Variants in CSMD2 observed in about 807,000 individuals in gnomAD.
CSMD2 encodes CUB and Sushi multiple domains 2, also known as CUB and sushi domain-containing protein 2.
A neutral mutation model predicts 398.5 loss-of-function variants in CSMD2; 130 were observed. The observed-to-expected ratio is 0.33, with a 90% CI of 0.28 to 0.38. The LOEUF is 0.38. Among genes scored for constraint, CSMD2 ranks in the 10% least tolerant of loss-of-function variants. The pLI is 1.00. For missense variants in CSMD2, 3,829 were observed against 4,764.9 expected, an observed-to-expected ratio of 0.80 and a Z score of 5.78; for synonymous variants, 1,828 against 1,908.5, an observed-to-expected ratio of 0.96 and a Z score of 1.10.
chr1:33,561,579 A>T (rs945812492), intron 53 of CSMD2, among the ~76,000 whole-genome samples: 1 of 152,202 alleles, frequency 6.6e-6, no homozygotes, highest in Non-Finnish European at 1.5e-5. Flanking sequence ...CTCTGACCTC[A>T]GGAAGCTCAT....
At chr1:34,093,883 G>A (rs1353609617) in intron 1 of CSMD2, among the ~76,000 whole-genome samples, 2 of 151,952 alleles carry the variant, frequency 1.3e-5, no homozygotes, top group South Asian at 2.1e-4. Context: ...GCAGGCCAAC[G>A]TTCAGATTCA....
chr1:34,152,309 A>C lies in CSMD2; in HGVS notation c.187+12602T>G, dbSNP rs566209056. On this transcript the variant is annotated intron_variant, in intron 1 of 70. Coordinates refer to ENST00000373381, the MANE Select transcript of CSMD2 (RefSeq NM_001281956.2). Reference sequence around the variant, plus strand: ...GGGAGGCCAGGGCACCAGGTAGAGGACTTGTGGAAGAAAAAGGATCCCCTC... The same window carrying C: ...GGGAGGCCAGGGCACCAGGTAGAGGCCTTGTGGAAGAAAAAGGATCCCCTC... Among the ~76,000 whole-genome samples, 26 of 152,258 alleles carry C rather than the reference A, an allele frequency of 1.7e-4. No individual in the cohort carries two copies. In the South Asian group the frequency reaches 2.3e-3, roughly 13 times the overall value.
At position 33,600,894 on chromosome 1, in the gene CSMD2, G is replaced by A; in HGVS notation, c.6827C>T (p.Thr2276Ile). The A allele has an allele frequency of 6.2e-7, 1 of 1,614,162 alleles. No individual in the cohort carries two copies. Among genetic ancestry groups the A allele is most frequent in the Non-Finnish European group, 8.5e-7 (1 of 1,180,032 alleles). ...VLLKFHRDAA[T>I]GGIFAIAFSA... Reference sequence around the variant, plus strand: ...GAAAGCTATGGCGAAGATCCCCCCTGTGGCTGCATCACGGTGGAACTTGAG... The same window carrying A: ...GAAAGCTATGGCGAAGATCCCCCCTATGGCTGCATCACGGTGGAACTTGAG... Residue 2276 changes from threonine to isoleucine, a missense_variant, in exon 44 of 71, where the codon ACA becomes ATA. This residue lies in a region of CSMD2 where 723 missense variants were observed against 758.6 expected (regional missense o/e 0.95). Coordinates refer to ENST00000373381, the MANE Select transcript of CSMD2 (RefSeq NM_001281956.2).
chr1:33,753,044 A>C (rs1311122332), intron 13 of CSMD2, among the ~76,000 whole-genome samples: 6 of 152,196 alleles, frequency 3.9e-5, no homozygotes, highest in African/African-American at 1.4e-4. Context: ...TAAAGTTGGG[A>C]CTTACATTTG....
At chr1:33,590,513 T>TCTCACC (rs1223014911) in intron 44 of CSMD2, among the ~76,000 whole-genome samples, 2 of 151,460 alleles carry the variant, frequency 1.3e-5, no homozygotes, top group South Asian at 4.2e-4. Context: ...ATTTCCCAAA[T>TCTCACC]CTCACCATCT....
intron 1 of CSMD2, among the ~76,000 whole-genome samples, chr1:34,103,123 A>G (rs374069509): frequency 6.6e-6 from 1 of 152,016 alleles, no homozygotes; most frequent in African/African-American, 2.4e-5. Flanking sequence ...AACTCCAGGC[A>G]TTTTCAAACT....
chr1:33,783,799 C>T (rs1241141427), intron 12 of CSMD2, among the ~76,000 whole-genome samples: 1 of 152,190 alleles, frequency 6.6e-6, no homozygotes, highest in African/African-American at 2.4e-5. Flanking sequence ...ACTCCGGTAC[C>T]TATAAATGTG....
chr1:33,688,495 G>A (rs1038471153), intron 25 of CSMD2, among the ~76,000 whole-genome samples: 7 of 152,148 alleles, frequency 4.6e-5, no homozygotes, highest in Admixed American at 2.0e-4. Context: ...GTTTCATTTC[G>A]AGTTTATAAA....
intron 12 of CSMD2, among the ~76,000 whole-genome samples, chr1:33,781,952 C>T (rs1043164127): frequency 2.0e-5 from 3 of 151,394 alleles, no homozygotes; most frequent in Non-Finnish European, 2.9e-5. Context: ...GAAGCAAATG[C>T]CCCAATTTTC....
intron 3 of CSMD2, among the ~76,000 whole-genome samples, chr1:33,976,542 G>A (rs1441062643): frequency 1.3e-5 from 2 of 152,158 alleles, no homozygotes; most frequent in Non-Finnish European, 2.9e-5. Flanking sequence ...CTCCAGCTCA[G>A]AGCAGGGCTG....
At chr1:33,734,157 C>T (rs1569581374) in intron 15 of CSMD2, among the ~76,000 whole-genome samples, 1 of 152,150 alleles carries the variant, frequency 6.6e-6, no homozygotes, top group African/African-American at 2.4e-5. Context: ...GGAGAACTGA[C>T]CTTCTTTCTT....
chr1:34,160,888 G>A (rs996410044), intron 1 of CSMD2, among the ~76,000 whole-genome samples: 2 of 152,156 alleles, frequency 1.3e-5, no homozygotes, highest in Non-Finnish European at 2.9e-5. Context: ...TTAAAGCCAT[G>A]ATGTAATTGG....
chr1:34,002,840 T>TA (rs957157394), intron 3 of CSMD2, among the ~76,000 whole-genome samples: 34 of 150,874 alleles, frequency 2.3e-4, no homozygotes, highest in East Asian at 1.2e-3. Context: ...AAAGATAAAT[T>TA]AAAAAAAAAA....
chr1:33,975,713 T>C (rs1402370481), intron 3 of CSMD2, among the ~76,000 whole-genome samples: 4 of 152,150 alleles, frequency 2.6e-5, no homozygotes, highest in African/African-American at 9.7e-5. Flanking sequence ...GAAGGGCATC[T>C]GGAAGCTGGT....
At chr1:34,082,644 T>C (rs1571048897) in intron 2 of CSMD2, among the ~76,000 whole-genome samples, 1 of 152,244 alleles carries the variant, frequency 6.6e-6, no homozygotes, top group East Asian at 1.9e-4. Flanking sequence ...GGGGGAAATG[T>C]GGGGAAAAGA....
At chr1:33,527,134 T>C (rs975606309) in intron 65 of CSMD2, 62 bp downstream of exon 65, 2 of 1,442,104 alleles carry the variant, frequency 1.4e-6, no homozygotes, top group East Asian at 2.3e-5. Context: ...ACGAGTTTTC[T>C]GGCTAACTGT....
At chr1:33,973,350 C>A (rs927922067) in intron 3 of CSMD2, among the ~76,000 whole-genome samples, 4 of 152,218 alleles carry the variant, frequency 2.6e-5, no homozygotes, top group Non-Finnish European at 4.4e-5. Context: ...GGGCTTCCTG[C>A]ACAGGAGATG....
At chr1:34,110,674 GAACACATGGACACAAAGAGGCA>G (rs570586539) in intron 1 of CSMD2, among the ~76,000 whole-genome samples, 2,868 of 152,154 alleles carry the variant, frequency 0.019, 32 homozygotes, top group Non-Finnish European at 0.028. Context: ...TAAGTGATAA[GAACACATGGACACAAAGAGGCA>G]AACACATGGA....
At position 33,857,575 on chromosome 1, in the gene CSMD2, G is replaced by C. The variant is rs1275363399; in HGVS notation, c.921-10579C>G. ...TGCAAATGGCGGCTGCTTGAGGCTG[G>C]AGCCATGACCACCCTTAGTAGCTCT... is the stretch of plus-strand genomic sequence containing the variant. On this transcript the variant is annotated intron_variant, in intron 5 of 70. Transcript: ENST00000373381. Among the ~76,000 whole-genome samples the C allele has an allele frequency of 3.9e-5, 6 of 151,996 alleles. No homozygotes were observed. In the East Asian group the frequency reaches 1.2e-3, roughly 29 times the overall value.
Sources: allele counts gnomAD v4.1 joint callset (sites outside exome capture counted in the v4.1 genomes callset), GRCh38; gene constraint gnomAD v4.1.1; regional missense constraint gnomAD v4.1.1; transcripts MANE v1.5; gene names NCBI Gene and HGNC (gene_info 2026-07-23, HGNC 2026-07-21).